Variants in NPHS2 observed in about 807,000 individuals in gnomAD.
The protein encoded by NPHS2 is podocin.
NPHS2 carries 36 observed loss-of-function variants against 37.1 expected under a neutral mutation model. That is an observed-to-expected ratio of 0.97 (90% CI 0.74 to 1.28). The LOEUF (loss-of-function observed/expected upper bound fraction) is 1.28. Ranked by LOEUF, NPHS2 falls within the 50% of genes most tolerant of loss-of-function variation. The pLI is 0.00. For synonymous variants in NPHS2, 196 were observed against 189.3 expected, an observed-to-expected ratio of 1.04 and a Z score of -0.29; for missense variants, 447 against 488.1, an observed-to-expected ratio of 0.92 and a Z score of 0.79.
chr1:179,551,181 T>G lies in NPHS2; in HGVS notation c.1144A>C (p.Met382Leu). 6.2e-7 allele frequency: 1 copy of G among 1,613,962 alleles called. No homozygotes were observed. Among genetic ancestry groups the G allele is most frequent in the Non-Finnish European group, 8.5e-7 (1 of 1,179,970 alleles). Residue 382 changes from methionine to leucine, a missense_variant, in exon 8 of 8, where the codon ATG (methionine) becomes CTG (leucine). Met to Leu is a conservative substitution (Grantham distance 15). Transcript: ENST00000367615. Reference sequence around the variant, plus strand: ...ATTATGCCCCATCCTTCCTATAACATGGGAGAGTCTTTCTTTTTAGGATTT... The same window carrying G: ...ATTATGCCCCATCCTTCCTATAACAGGGGAGAGTCTTTCTTTTTAGGATTT... ...PLNPKKKDSP[M>L]L
chr1:179,564,793 C>A lies in NPHS2; in HGVS notation c.275G>T (p.Gly92Val), dbSNP rs142342448. ...GGCCCCTAAGCCGGAGGATTTGGTA[C>A]CTTAAAAAAATTAAAGCAAAAGAAT... ...ALLESERPEE[G>V]TKSSGLGACE... Residue 92 changes from glycine to valine, a missense_variant and splice_region_variant, in exon 2 of 8, where the codon GGT becomes GTT. Transcript: ENST00000367615. 2.5e-6 allele frequency: 4 copies of A among 1,612,430 alleles called. No homozygotes were observed. In the African/African-American group the frequency reaches 5.3e-5, roughly 22 times the overall value.
In NPHS2 at chr1:179,551,009, A is replaced by G; in HGVS notation, c.*164T>C. ...TGTCTGCCTTCTCTGTCATTACATCATTTCACCGTCTTCTCATGGATGGTG... is the reference window on the plus strand; with the variant it reads ...TGTCTGCCTTCTCTGTCATTACATCGTTTCACCGTCTTCTCATGGATGGTG... On this transcript the variant is annotated 3_prime_UTR_variant, in exon 8 of 8. Coordinates refer to ENST00000367615, the MANE Select transcript of NPHS2 (RefSeq NM_014625.4). 2.5e-6 allele frequency: 2 copies of G among 792,236 alleles called. No individual in the cohort carries two copies. Among genetic ancestry groups the G allele is most frequent in the East Asian group, 2.7e-5 (1 of 37,414 alleles). 49.1% of individuals were successfully genotyped at this position (792,236 alleles called of 1,614,324 possible).
At chr1:179,567,440 T>A (rs1286823372) in intron 1 of NPHS2, among the ~76,000 whole-genome samples, 1 of 152,232 alleles carries the variant, frequency 6.6e-6, no homozygotes, top group Admixed American at 6.5e-5. Context: ...TTGCTGAAGT[T>A]GCTTATCAGC....
intron 1 of NPHS2, among the ~76,000 whole-genome samples, chr1:179,569,244 G>A (rs1172074698): frequency 6.6e-6 from 1 of 151,890 alleles, no homozygotes. Flanking sequence ...CCTGTATTGG[G>A]TGCATATATA....
intron 2 of NPHS2, among the ~76,000 whole-genome samples, chr1:179,561,801 T>C (rs1345930614): frequency 6.6e-6 from 1 of 152,112 alleles, no homozygotes; most frequent in Non-Finnish European, 1.5e-5. Flanking sequence ...TTCAAAATGA[T>C]TCAATTGGAT....
At chr1:179,570,541 A>G (rs967902235) in intron 1 of NPHS2, among the ~76,000 whole-genome samples, 3 of 152,216 alleles carry the variant, frequency 2.0e-5, no homozygotes, top group African/African-American at 7.2e-5. Context: ...CTCCCTGGGC[A>G]GGCCAGGTGT....
At chr1:179,554,918 G>A (rs543951544) in intron 5 of NPHS2, among the ~76,000 whole-genome samples, 1 of 152,246 alleles carries the variant, frequency 6.6e-6, no homozygotes, top group East Asian at 1.9e-4. Flanking sequence ...CTTATAAGAG[G>A]GAGGCAAATG....
Position 179,562,544 on chromosome 1 carries a change from A to G in NPHS2, c.379-1183T>C, listed in dbSNP as rs978131038. ...CCTCCACTTTAAAAAGCTCCAATGAATAATAACTAGTCAAATATAAAAATG... is the reference window on the plus strand; with the variant it reads ...CCTCCACTTTAAAAAGCTCCAATGAGTAATAACTAGTCAAATATAAAAATG... On this transcript the variant is annotated intron_variant, in intron 2 of 7. Transcript: ENST00000367615. Among the ~76,000 whole-genome samples, 6 of 152,332 alleles carry G rather than the reference A, an allele frequency of 3.9e-5. No homozygotes were observed. In the South Asian group the frequency reaches 1.2e-3, roughly 32 times the overall value.
At chr1:179,566,605 T>C (rs1674343576) in intron 1 of NPHS2, among the ~76,000 whole-genome samples, 1 of 152,244 alleles carries the variant, frequency 6.6e-6, no homozygotes, top group Non-Finnish European at 1.5e-5. Context: ...TTTGTTGCCA[T>C]TGCTTTTGGT....
intron 3 of NPHS2, among the ~76,000 whole-genome samples, chr1:179,560,718 A>C (rs933570648): frequency 6.6e-6 from 1 of 152,062 alleles, no homozygotes; most frequent in Non-Finnish European, 1.5e-5. Flanking sequence ...TTTCAGACTG[A>C]CCATACTTCT....
At chr1:179,563,736 A>G (rs974045754) in intron 2 of NPHS2, among the ~76,000 whole-genome samples, 7 of 152,228 alleles carry the variant, frequency 4.6e-5, no homozygotes, top group African/African-American at 4.8e-5. Context: ...AAGAAATCAC[A>G]AGGAAAATGA....
At chr1:179,552,446 AAC>A in intron 7 of NPHS2, 155 bp downstream of exon 7, 1 of 680,314 alleles carries the variant, frequency 1.5e-6, no homozygotes, top group South Asian at 1.6e-5. Flanking sequence ...GGGGACTATT[AAC>A]ACACTTTAAG....
At chr1:179,565,385 T>C (rs1674296452) in intron 1 of NPHS2, among the ~76,000 whole-genome samples, 1 of 152,188 alleles carries the variant, frequency 6.6e-6, no homozygotes. Flanking sequence ...CAGATGACCT[T>C]AGGCAAGGCG....
At chr1:179,565,237 G>C (rs750069476) in intron 1 of NPHS2, among the ~76,000 whole-genome samples, 1 of 152,152 alleles carries the variant, frequency 6.6e-6, no homozygotes, top group African/African-American at 2.4e-5. Context: ...CTGCACCACT[G>C]TACTCCAGCC....
chr1:179,569,732 G>A (rs1272229747), intron 1 of NPHS2, among the ~76,000 whole-genome samples: 2 of 152,104 alleles, frequency 1.3e-5, no homozygotes, highest in African/African-American at 4.8e-5. Context: ...TGTAAGGCAG[G>A]CCTGGTGGTG....
At position 179,556,978 on chromosome 1, in the gene NPHS2, A is replaced by T. The variant is rs1043207280; in HGVS notation, c.738+49T>A. On this transcript the variant is annotated intron_variant, in intron 5 of 7. Transcript: ENST00000367615. This position sits in a 1 kb window ranked among gnomAD's most constrained non-coding sequence, Gnocchi z 4.1. The stretch of plus-strand genomic sequence containing the variant: ...TAATAAATGTCCAATGAACAAATGA[A>T]TAAAAGATAAATATTTCAGCATATT... 6.8e-7 allele frequency: 1 copy of T among 1,479,586 alleles called. No homozygotes were observed. Among genetic ancestry groups the T allele is most frequent in the South Asian group, 1.2e-5 (1 of 84,456 alleles). 91.7% of individuals were successfully genotyped at this position (1,479,586 alleles called of 1,614,324 possible). A position where few individuals can be genotyped will look rare whatever the true frequency, so the allele number is the denominator to read the frequency against.
chr1:179,561,768 A>G (rs1259698144), intron 2 of NPHS2, among the ~76,000 whole-genome samples: 3 of 152,084 alleles, frequency 2.0e-5, no homozygotes, highest in Non-Finnish European at 4.4e-5. Context: ...TTTGTTTCAG[A>G]GTGCAATTTC....
intron 7 of NPHS2, 85 bp from the exon 8 acceptor site, chr1:179,551,536 C>A: frequency 1.3e-6 from 2 of 1,493,920 alleles, no homozygotes; most frequent in Non-Finnish European, 1.9e-6. Context: ...AGCAGACAAG[C>A]ACTGAGCATC....
intron 1 of NPHS2, among the ~76,000 whole-genome samples, chr1:179,568,335 T>A (rs1433088741): frequency 6.6e-6 from 1 of 152,192 alleles, no homozygotes; most frequent in African/African-American, 2.4e-5. Context: ...TCTACTTTAT[T>A]TGTGTAGAGG....
Sources: gnomAD v4.1 joint callset for allele counts (sites outside exome capture counted in the v4.1 genomes callset) on GRCh38, gnomAD v4.1.1 for gene constraint, Gnocchi (gnomAD v3.1) non-coding constraint, MANE v1.5 for transcripts, NCBI Gene and HGNC (gene_info 2026-07-23, HGNC 2026-07-21) for gene names.